Variants in NUP210L observed in about 807,000 individuals in gnomAD.
NUP210L encodes nuclear pore membrane glycoprotein 210-like.
In NUP210L, 74 loss-of-function variants were observed where a neutral mutation model predicts 208.5. That is an observed-to-expected ratio of 0.35 (90% CI 0.29 to 0.43). The LOEUF (loss-of-function observed/expected upper bound fraction) is 0.43. Among genes scored for constraint, NUP210L ranks in the 20% least tolerant of loss-of-function variants. The probability of loss-of-function intolerance (pLI) is 1.00; values close to 1 mark genes in which losing one functional copy is unlikely to be tolerated. For synonymous variants in NUP210L, 780 were observed against 816.9 expected (o/e 0.95, Z 0.77); for missense variants, 1,843 against 2,289.4 (o/e 0.81, Z 3.98).
chr1:154,053,415 A>G (rs1819663), intron 25 of NUP210L, among the ~76,000 whole-genome samples: 87,872 of 152,082 alleles, frequency 0.58, 26,366 homozygotes, highest in East Asian at 0.95. Flanking sequence ...ATAAAAAGGG[A>G]GAACATGTTG....
At chr1:154,081,231 GAA>G (rs879608080) in intron 16 of NUP210L, among the ~76,000 whole-genome samples, 1 of 139,460 alleles carries the variant, frequency 7.2e-6, no homozygotes. Context: ...TATAAGGATG[GAA>G]AAAAAAAAAA....
At chr1:154,011,990 G>A (rs1471167797) in intron 34 of NUP210L, among the ~76,000 whole-genome samples, 1 of 152,004 alleles carries the variant, frequency 6.6e-6, no homozygotes, top group Non-Finnish European at 1.5e-5. Flanking sequence ...GATTATAGGT[G>A]TAAGCCACCG....
At chr1:154,001,110 G>A (rs1557904521) in intron 36 of NUP210L, 50 bp from the exon 37 acceptor site, 1 of 1,448,998 alleles carries the variant, frequency 6.9e-7, no homozygotes. Context: ...AATCAACTTT[G>A]TATCAGTATG....
chr1:154,093,925 T>C (rs1015651298), intron 15 of NUP210L, among the ~76,000 whole-genome samples: 4 of 151,908 alleles, frequency 2.6e-5, no homozygotes, highest in Non-Finnish European at 5.9e-5. Context: ...CCAAGGTGGG[T>C]GGATCACTTG....
intron 2 of NUP210L, among the ~76,000 whole-genome samples, chr1:154,151,535 T>TG (rs1431570554): frequency 6.6e-6 from 1 of 151,176 alleles, no homozygotes; most frequent in African/African-American, 2.4e-5. Flanking sequence ...TTAAAGGGAG[T>TG]GGGGGAAAAG....
At position 154,092,678 on chromosome 1, in the gene NUP210L, C is replaced by T. The variant is rs148391527; in HGVS notation, c.2187+2257G>A. On this transcript the variant is annotated intron_variant, in intron 15 of 39. Coordinates refer to ENST00000368559, the Ensembl canonical transcript of NUP210L. ...CTAGAATTACAGGCATAAGCCACCA[C>T]ACCCAGCCAAGAGTTATTCTTTAAT... is the stretch of plus-strand genomic sequence containing the variant. Among the ~76,000 whole-genome samples the T allele has an allele frequency of 3.9e-5, 6 of 151,908 alleles. No homozygotes were observed. In the East Asian group the frequency reaches 9.7e-4, roughly 25 times the overall value.
intron 3 of NUP210L, among the ~76,000 whole-genome samples, chr1:154,142,550 G>C (rs1312003570): frequency 6.6e-6 from 1 of 152,250 alleles, no homozygotes; most frequent in East Asian, 1.9e-4. Context: ...CTTCATTGTT[G>C]ATCTAGGGCC....
intron 35 of NUP210L, among the ~76,000 whole-genome samples, chr1:154,005,259 G>A (rs567713311): frequency 2.0e-5 from 3 of 150,638 alleles, no homozygotes; most frequent in Non-Finnish European, 2.9e-5. Context: ...CTTGTCTGTC[G>A]CCCAGGCAAA....
intron 33 of NUP210L, among the ~76,000 whole-genome samples, chr1:154,015,423 A>C (rs1651180719): frequency 6.6e-6 from 1 of 152,000 alleles, no homozygotes; most frequent in Admixed American, 6.6e-5. Context: ...CCATCTATCC[A>C]AAAACACAAA....
At chr1:154,112,381 G>A (rs1657086168) in intron 12 of NUP210L, among the ~76,000 whole-genome samples, 1 of 151,966 alleles carries the variant, frequency 6.6e-6, no homozygotes, top group African/African-American at 2.4e-5. Context: ...ATTCAAGCCT[G>A]GGTGACAGAG....
intron 2 of NUP210L, among the ~76,000 whole-genome samples, chr1:154,147,987 C>T (rs1191755414): frequency 1.0e-4 from 14 of 139,850 alleles, no homozygotes; most frequent in Non-Finnish European, 1.9e-4. Flanking sequence ...AGGCCAGGCA[C>T]GGTGGCTCAC....
intron 16 of NUP210L, among the ~76,000 whole-genome samples, chr1:154,085,233 C>T (rs1239782845): frequency 6.7e-6 from 1 of 150,028 alleles, no homozygotes; most frequent in African/African-American, 2.4e-5. Context: ...GCCTGTAGTC[C>T]CAGCTACTCG....
chr1:154,010,237 G>T (rs772271415), intron 34 of NUP210L, 116 bp from the exon 35 acceptor site: 2 of 895,826 alleles, frequency 2.2e-6, no homozygotes, highest in Non-Finnish European at 3.4e-6. Flanking sequence ...AAGAGGGTCA[G>T]TTATGGCTGG....
chr1:154,119,149 T>C (rs1387764774), intron 10 of NUP210L, among the ~76,000 whole-genome samples: 1 of 151,992 alleles, frequency 6.6e-6, no homozygotes, highest in East Asian at 1.9e-4. Flanking sequence ...CCCCTGGACA[T>C]CCATAAACTG....
At position 154,129,355 on chromosome 1, in the gene NUP210L, TG is replaced by T. The variant is rs779121549; in HGVS notation, c.1010-11del. ...GATCGCATATGAACATCTTAATTTT[TG>T]CTTAAGGAAATCATGTGAGCCAGAG... On this transcript the variant is annotated splice_polypyrimidine_tract_variant and intron_variant, in intron 7 of 39. Transcript: ENST00000368559. 1.4e-4 allele frequency: 222 copies of T among 1,597,108 alleles called. No homozygotes were observed. The highest frequency in any genetic ancestry group is 1.8e-4 in the Non-Finnish European group (214 of 1,167,810).
chr1:154,049,300 G>GA (rs916281640), intron 25 of NUP210L, among the ~76,000 whole-genome samples: 10 of 152,134 alleles, frequency 6.6e-5, no homozygotes, highest in African/African-American at 1.7e-4. Context: ...CAACAATGGG[G>GA]AGCACAAGTT....
intron 17 of NUP210L, among the ~76,000 whole-genome samples, chr1:154,068,534 G>A (rs1654530090): frequency 6.6e-6 from 1 of 151,998 alleles, no homozygotes; most frequent in Non-Finnish European, 1.5e-5. Flanking sequence ...ACAAAAATTA[G>A]CTGGGTGTGG....
chr1:154,111,924 TTTTTG>T (rs1657058017), intron 12 of NUP210L, among the ~76,000 whole-genome samples: 1 of 151,450 alleles, frequency 6.6e-6, no homozygotes, highest in African/African-American at 2.5e-5. Flanking sequence ...CAACACTTTT[TTTTTG>T]TTTTGTTTTG....
intron 23 of NUP210L, among the ~76,000 whole-genome samples, chr1:154,056,394 G>C (rs1291670997): frequency 6.6e-6 from 1 of 152,042 alleles, no homozygotes; most frequent in Non-Finnish European, 1.5e-5. Context: ...GCAAGAGTTA[G>C]ACACCATCCT....
Sources: gnomAD v4.1 joint callset for allele counts (sites outside exome capture counted in the v4.1 genomes callset) on GRCh38, gnomAD v4.1.1 for gene constraint, MANE v1.5 for transcripts, NCBI Gene and HGNC (gene_info 2026-07-23, HGNC 2026-07-21) for gene names.